AKNA: variants seen among roughly 807,000 people sequenced by gnomAD.
AKNA encodes AT-hook transcription factor.
Under a neutral mutation model 138.8 loss-of-function variants are expected in AKNA, and 67 were observed. That is an observed-to-expected ratio of 0.48 (90% CI 0.40 to 0.59). AKNA has a LOEUF of 0.59. Among genes scored for constraint, AKNA ranks in the 20% least tolerant of loss-of-function variants. The pLI is 0.00. For synonymous variants in AKNA, 737 were observed against 754.4 expected, an observed-to-expected ratio of 0.98 and a Z score of 0.38; for missense variants, 1,813 against 1,880.4, an observed-to-expected ratio of 0.96 and a Z score of 0.66.
chr9:114,381,095 T>C lies in AKNA; in HGVS notation c.239A>G (p.His80Arg), dbSNP rs775004594. 2 of 1,593,860 alleles carry C rather than the reference T, an allele frequency of 1.3e-6. No homozygotes were observed. The highest frequency in any genetic ancestry group is 1.1e-5 in the South Asian group (1 of 88,854). ...AGTCTCTCCTGACTCGGAATCCTGA[T>C]GCCCATCGGGCTGCGGGTGTGGGTC... ...EWDPHPQPDG[H>R]QDSESGETSG... Residue 80 changes from histidine to arginine, a missense_variant, in exon 2 of 22, where the codon CAT becomes CGT. Coordinates refer to ENST00000374088, the MANE Select transcript of AKNA (RefSeq NM_001317950.2).
upstream of AKNA, among the ~76,000 whole-genome samples, chr9:114,395,445 G>A (rs1834503450): frequency 2.6e-5 from 4 of 151,996 alleles, no homozygotes; most frequent in African/African-American, 4.8e-5. Context: ...ACCATCCGTG[G>A]CTCCTGTCAC....
At chr9:114,390,460 C>T (rs77961441), upstream of AKNA, among the ~76,000 whole-genome samples, 424 of 152,224 alleles carry the variant, frequency 2.8e-3, 12 homozygotes, top group East Asian at 0.036. Context: ...ACCAATCCAT[C>T]GTCAACTCCC....
At chr9:114,376,260 C>T (rs1325316401) in intron 3 of AKNA, 1 of 530,252 alleles carries the variant, frequency 1.9e-6, no homozygotes, top group Non-Finnish European at 3.5e-6. Flanking sequence ...GGCCTCCATC[C>T]CAGGGCTTCC....
upstream of AKNA, among the ~76,000 whole-genome samples, chr9:114,396,339 G>C (rs1392651453): frequency 4.6e-5 from 7 of 152,128 alleles, no homozygotes; most frequent in South Asian, 2.1e-4. Flanking sequence ...TTTAGAATGT[G>C]GACTGAGCAA....
At chr9:114,382,250 C>T (rs79730125) in intron 1 of AKNA, among the ~76,000 whole-genome samples, 2,277 of 152,196 alleles carry the variant, frequency 0.015, 59 homozygotes, top group African/African-American at 0.052. Flanking sequence ...CCTCTCTGAC[C>T]TCACTGGGGT....
At chr9:114,355,815 T>C in intron 14 of AKNA, 110 bp downstream of exon 14, 1 of 1,179,672 alleles carries the variant, frequency 8.5e-7, no homozygotes, top group Non-Finnish European at 1.2e-6. Context: ...AATTTCAAAT[T>C]TCAGTACAAT....
chr9:114,374,629 T>C lies in AKNA; in HGVS notation c.1342-462A>G, dbSNP rs539855982. On this transcript the variant is annotated intron_variant, in intron 3 of 21. Transcript: ENST00000374088. ...TTGAATGAATCACCCAAGAGTCCCATGGCAGAGAAATAGAAGACTTAAAAT... is the reference window on the plus strand; with the variant it reads ...TTGAATGAATCACCCAAGAGTCCCACGGCAGAGAAATAGAAGACTTAAAAT... Among the ~76,000 whole-genome samples, 12 of 152,310 alleles carry C rather than the reference T, an allele frequency of 7.9e-5. No individual in the cohort carries two copies. In the East Asian group the frequency reaches 2.3e-3, roughly 29 times the overall value.
At position 114,377,238 on chromosome 9, in the gene AKNA, T is replaced by C; in HGVS notation, c.569A>G (p.Asn190Ser). The C allele has an allele frequency of 6.2e-7, 1 of 1,614,166 alleles. No individual in the cohort carries two copies. Among genetic ancestry groups the C allele is most frequent in the Non-Finnish European group, 8.5e-7 (1 of 1,180,012 alleles). Residue 190 changes from asparagine (N) to serine (S), a missense_variant, in exon 3 of 22, where the codon AAC becomes AGC. Coordinates refer to ENST00000374088, the MANE Select transcript of AKNA (RefSeq NM_001317950.2). ...GDKLSEHSEV[N>S]PSVELSPARS... ...TGCCGGGCTGAGTTCAACGGATGGGTTGACCTCGGAATGTTCAGAAAGTTT... is the reference window on the plus strand; with the variant it reads ...TGCCGGGCTGAGTTCAACGGATGGGCTGACCTCGGAATGTTCAGAAAGTTT...
At chr9:114,351,078 C>G (rs1831086638) in intron 14 of AKNA, 57 bp from the exon 15 acceptor site, 7 of 1,544,634 alleles carry the variant, frequency 4.5e-6, no homozygotes, top group Non-Finnish European at 6.2e-6. Flanking sequence ...CTTCCAAGCT[C>G]ACACTTGTGC....
chr9:114,351,539 A>G (rs1171146438), intron 14 of AKNA, among the ~76,000 whole-genome samples: 1 of 152,064 alleles, frequency 6.6e-6, no homozygotes, highest in Non-Finnish European at 1.5e-5. Flanking sequence ...CTGGCCAGAC[A>G]TGGTGGCTCA....
upstream of AKNA, among the ~76,000 whole-genome samples, chr9:114,394,717 C>T (rs551352065): frequency 4.6e-5 from 7 of 152,334 alleles, no homozygotes; most frequent in East Asian, 1.2e-3. Context: ...GGTTACACAA[C>T]TTGCCCAAAG....
chr9:114,345,840 C>A, intron 18 of AKNA, 23 bp downstream of exon 18: 1 of 1,611,900 alleles, frequency 6.2e-7, no homozygotes, highest in Non-Finnish European at 8.5e-7. Flanking sequence ...CTGCACCCAT[C>A]CCGGCCCTCC....
At chr9:114,337,616 G>C (rs1830083568) in intron 21 of AKNA, among the ~76,000 whole-genome samples, 1 of 151,994 alleles carries the variant, frequency 6.6e-6, no homozygotes, top group South Asian at 2.1e-4. Flanking sequence ...CCAGGCTCTG[G>C]GGTTACAGTG....
intron 1 of AKNA, among the ~76,000 whole-genome samples, chr9:114,385,002 A>G (rs966684203): frequency 1.3e-5 from 2 of 152,214 alleles, no homozygotes; most frequent in Admixed American, 1.3e-4. Context: ...GGTATGCGCC[A>G]CCATGCCTGG....
At chr9:114,357,120 C>A in intron 12 of AKNA, 151 bp from the exon 13 acceptor site, 1 of 579,646 alleles carries the variant, frequency 1.7e-6, no homozygotes, top group Non-Finnish European at 2.9e-6. Context: ...GGAGTGAGGG[C>A]TCTCAGGCTC....
chr9:114,360,440 C>A (rs115053098), intron 9 of AKNA, among the ~76,000 whole-genome samples: 1,875 of 152,298 alleles, frequency 0.012, 28 homozygotes, highest in African/African-American at 0.043. Context: ...AGAGTTAACT[C>A]TCCTGACCCC....
At position 114,337,083 on chromosome 9, in the gene AKNA, G is replaced by A. The variant is rs1248345034; in HGVS notation, c.4291C>T (p.His1431Tyr). 16 of 1,560,488 alleles carry A rather than the reference G, an allele frequency of 1.0e-5. No individual in the cohort carries two copies. The highest frequency in any genetic ancestry group is 1.3e-5 in the Non-Finnish European group (15 of 1,150,388). ...SSLSADLRQA[H>Y]SLRGSCLF Reference sequence around the variant, plus strand: ...AAGAGGCAGGAGCCCCGCAGGCTGTGAGCCTGGCGCAGGTCGGCTGACAGC... The same window carrying A: ...AAGAGGCAGGAGCCCCGCAGGCTGTAAGCCTGGCGCAGGTCGGCTGACAGC... The change falls in exon 22 of 22, where the codon CAC becomes TAC. Residue 1431 changes from histidine to tyrosine, a missense_variant. Physicochemically the swap from His to Tyr is moderately conservative, Grantham distance 83. Transcript: ENST00000374088.
chr9:114,387,663 T>C (rs1834135617), intron 1 of AKNA, among the ~76,000 whole-genome samples, 197 bp downstream of exon 1: 1 of 152,188 alleles, frequency 6.6e-6, no homozygotes, highest in African/African-American at 2.4e-5. Context: ...ATCCTGAGGC[T>C]TGACGAAATC....
rs781167658 is a variant in AKNA at position 114,381,294 on chromosome 9, C to G, written c.40G>C (p.Gly14Arg). The G allele has an allele frequency of 6.2e-7, 1 of 1,610,082 alleles. No homozygotes were observed. Among genetic ancestry groups the G allele is most frequent in the Non-Finnish European group, 8.5e-7 (1 of 1,178,110 alleles). The change falls in exon 2 of 22, where the codon GGC (glycine) becomes CGC (arginine). Residue 14 changes from glycine to arginine, a missense_variant. Coordinates refer to ENST00000374088, the MANE Select transcript of AKNA (RefSeq NM_001317950.2). ...CGCCGCTGGGGGCCCTTCCCCAGGCCAGGCTCAGCCCAGCGGATCTCAGTC... is the reference window on the plus strand; with the variant it reads ...CGCCGCTGGGGGCCCTTCCCCAGGCGAGGCTCAGCCCAGCGGATCTCAGTC... Reference protein sequence around the residue: ...SETEIRWAEPGLGKGPQRRRW... With the variant: ...SETEIRWAEPRLGKGPQRRRW...
Sources: gnomAD v4.1 joint callset for allele counts (sites outside exome capture counted in the v4.1 genomes callset) on GRCh38, gnomAD v4.1.1 for gene constraint, MANE v1.5 for transcripts, NCBI Gene and HGNC (gene_info 2026-07-23, HGNC 2026-07-21) for gene names.